Variants in RANBP2 observed in about 807,000 individuals in gnomAD.
RANBP2 encodes the protein E3 SUMO-protein ligase RanBP2.
In RANBP2, 57 loss-of-function variants were observed where a neutral mutation model predicts 303.6. That is an observed-to-expected ratio of 0.19 (90% CI 0.15 to 0.23). RANBP2 has a LOEUF of 0.23. RANBP2 is among the 10% of genes least tolerant of loss of function. The pLI, the probability that RANBP2 is intolerant of heterozygous loss-of-function variation, is 1.00. For synonymous variants in RANBP2, 1,167 were observed against 1,301.5 expected (o/e 0.90, Z 2.23); for missense variants, 3,138 against 3,780.8 (o/e 0.83, Z 4.46).
intron 1 of RANBP2, among the ~76,000 whole-genome samples, chr2:108,725,683 A>G (rs1573684855): frequency 6.6e-6 from 1 of 152,138 alleles, no homozygotes; most frequent in Non-Finnish European, 1.5e-5. Context: ...GTGAGCTGAG[A>G]TCGAGCCACT....
the RANBP2 span, among the ~76,000 whole-genome samples, chr2:109,267,380 G>A: frequency 6.6e-6 from 1 of 152,206 alleles, no homozygotes; most frequent in Non-Finnish European, 1.5e-5. Context: ...TGTGCGCTTT[G>A]TACAAGTGCT....
At chr2:108,831,051 T>TG in the RANBP2 span, among the ~76,000 whole-genome samples, 1 of 152,022 alleles carries the variant, frequency 6.6e-6, no homozygotes, top group Non-Finnish European at 1.5e-5. Context: ...GGTGCATAAC[T>TG]GTAATCCCAG....
At chr2:108,931,046 G>A in the RANBP2 span, 1,447 of 1,612,508 alleles carry the variant, frequency 9.0e-4, 22 homozygotes, top group South Asian at 0.015. Context: ...AAAGACATGC[G>A]TCATTAGCTG....
the RANBP2 span, among the ~76,000 whole-genome samples, chr2:109,161,920 A>G: frequency 6.6e-6 from 1 of 150,710 alleles, no homozygotes; most frequent in Non-Finnish European, 1.5e-5. Flanking sequence ...CCTATCACTC[A>G]GTGGTGCCTC....
At chr2:108,830,461 A>T in the RANBP2 span, among the ~76,000 whole-genome samples, 1 of 152,244 alleles carries the variant, frequency 6.6e-6, no homozygotes, top group Non-Finnish European at 1.5e-5. Flanking sequence ...AGGATTCTGC[A>T]TTCTAAGACA....
chr2:109,371,725 C>G, the RANBP2 span: 1 of 1,568,926 alleles, frequency 6.4e-7, no homozygotes, highest in East Asian at 2.3e-5. Context: ...TTCTTGCCCA[C>G]CCTTGTTTCA....
the RANBP2 span, among the ~76,000 whole-genome samples, chr2:109,192,722 A>C: frequency 6.6e-6 from 1 of 152,194 alleles, no homozygotes; most frequent in Non-Finnish European, 1.5e-5. Flanking sequence ...TAAAATCTGG[A>C]AACTTATTTC....
At chr2:109,137,646 A>G in the RANBP2 span, among the ~76,000 whole-genome samples, 1 of 152,252 alleles carries the variant, frequency 6.6e-6, no homozygotes, top group African/African-American at 2.4e-5. Flanking sequence ...TTGTTGCTCT[A>G]GGATGAACCC....
chr2:109,285,380 C>T, the RANBP2 span, among the ~76,000 whole-genome samples: 9 of 152,346 alleles, frequency 5.9e-5, no homozygotes, highest in East Asian at 3.9e-4. Flanking sequence ...CCACGGCCAA[C>T]GCACAAAACT....
the RANBP2 span, among the ~76,000 whole-genome samples, chr2:109,500,761 C>A: frequency 6.6e-6 from 1 of 152,016 alleles, no homozygotes; most frequent in African/African-American, 2.4e-5. Context: ...CCAGCCTGGG[C>A]AACATAGCAA....
the RANBP2 span, among the ~76,000 whole-genome samples, chr2:109,490,187 C>G: frequency 1.3e-5 from 2 of 152,228 alleles, no homozygotes; most frequent in Non-Finnish European, 2.9e-5. Flanking sequence ...CCTATCTTTT[C>G]AAGATGTCCA....
chr2:109,546,234 G>T, the RANBP2 span: 6 of 1,539,592 alleles, frequency 3.9e-6, no homozygotes, highest in Non-Finnish European at 4.4e-6. Context: ...AATTTGGCCT[G>T]TAGCTGGAAA....
At chr2:108,774,352 T>G (rs1204711483) in intron 23 of RANBP2, among the ~76,000 whole-genome samples, 1 of 152,162 alleles carries the variant, frequency 6.6e-6, no homozygotes, top group Non-Finnish European at 1.5e-5. Flanking sequence ...CCCAGCTATT[T>G]GGGAGGCTGA....
chr2:109,022,608 A>AG, the RANBP2 span, among the ~76,000 whole-genome samples: 34 of 152,144 alleles, frequency 2.2e-4, no homozygotes, highest in Non-Finnish European at 4.4e-5. Context: ...AAAAGGTGGG[A>AG]GGGGGAGAGG....
At chr2:109,392,424 C>A in the RANBP2 span, among the ~76,000 whole-genome samples, 1 of 152,136 alleles carries the variant, frequency 6.6e-6, no homozygotes, top group Non-Finnish European at 1.5e-5. Context: ...TTGCTGTCAC[C>A]TCGTGGTGGA....
chr2:109,437,771 A>G, the RANBP2 span, among the ~76,000 whole-genome samples: 1 of 152,100 alleles, frequency 6.6e-6, no homozygotes, highest in Admixed American at 6.5e-5. Flanking sequence ...AAAAGAAATT[A>G]TGGGGTGGGC....
chr2:108,817,977 C>T, the RANBP2 span, among the ~76,000 whole-genome samples: 1 of 152,180 alleles, frequency 6.6e-6, no homozygotes, highest in East Asian at 1.9e-4. Flanking sequence ...GAAGGCCTGC[C>T]GTATTAAAGT....
the RANBP2 span, chr2:108,846,899 A>G: frequency 1.6e-5 from 26 of 1,612,080 alleles, no homozygotes; most frequent in East Asian, 2.2e-5. Context: ...GATTTTTATC[A>G]ACCTTAATTG....
the RANBP2 span, among the ~76,000 whole-genome samples, chr2:109,270,013 T>G: frequency 6.6e-6 from 1 of 152,230 alleles, no homozygotes; most frequent in African/African-American, 2.4e-5. Context: ...GATGAAATAC[T>G]TAATAGATTG....
Sources: allele counts gnomAD v4.1 joint callset (sites outside exome capture counted in the v4.1 genomes callset), GRCh38; gene constraint gnomAD v4.1.1; transcripts MANE v1.5; gene names NCBI Gene and HGNC (gene_info 2026-07-23, HGNC 2026-07-21).